GCKR: variants seen among roughly 807,000 people sequenced by gnomAD.
GCKR encodes the protein glucokinase regulator.
A neutral mutation model predicts 82.9 loss-of-function variants in GCKR; 73 were observed. The observed-to-expected ratio is 0.88, with a 90% CI of 0.73 to 1.07. GCKR has a LOEUF of 1.07. GCKR is among the 50% of genes least tolerant of loss of function. GCKR has a pLI of 0.00. For synonymous variants in GCKR, 294 were observed against 291.8 expected, an observed-to-expected ratio of 1.01 and a Z score of -0.08; for missense variants, 784 against 782.1, an observed-to-expected ratio of 1.00 and a Z score of -0.03.
rs560156559 is a variant in GCKR at position 27,520,022 on chromosome 2, C to T, written c.1572+1085C>T. Among the ~76,000 whole-genome samples the T allele has an allele frequency of 4.0e-5, 6 of 151,522 alleles. No homozygotes were observed. In the East Asian group the frequency reaches 5.8e-4, roughly 15 times the overall value. On this transcript the variant is annotated intron_variant, in intron 17 of 18. Transcript: ENST00000264717. ...AGATTCGGCAAATAAAAATACAGGA[C>T]GCCCAGTTAAATTTGAATTTCAGAT... is the stretch of plus-strand genomic sequence containing the variant.
chr2:27,505,782 C>T lies in GCKR; in HGVS notation c.815C>T (p.Thr272Ile). 1 of 1,612,122 alleles carries T rather than the reference C, an allele frequency of 6.2e-7. No homozygotes were observed. The highest frequency in any genetic ancestry group is 1.1e-5 in the South Asian group (1 of 91,058). The change falls in exon 10 of 19, where the codon ACC (threonine) becomes ATC (isoleucine). Residue 272 changes from threonine (T) to isoleucine (I), a missense_variant. Thr to Ile is a moderately conservative substitution (Grantham distance 89). Transcript: ENST00000264717. ...AGTGCCACCAAGATTCTGCTGGAAA[C>T]CCTGTTATTAGCAGCCCATAAGACT... is the stretch of plus-strand genomic sequence containing the variant. ...GGSATKILLE[T>I]LLLAAHKTVD...
chr2:27,501,770 C>T (rs1415543297), intron 8 of GCKR: 3 of 471,268 alleles, frequency 6.4e-6, no homozygotes, highest in South Asian at 1.5e-5. Flanking sequence ...CAAATCACCT[C>T]CCTCTTATTC....
chr2:27,504,854 T>C lies in GCKR; in HGVS notation c.751-864T>C, dbSNP rs543785143. ...AGAAACACACTCTCTGGTCTGGGTG[T>C]AGTGGCTCACGCCTGTAATCCCAGC... On this transcript the variant is annotated intron_variant, in intron 9 of 18. Coordinates refer to ENST00000264717, the MANE Select transcript of GCKR (RefSeq NM_001486.4). Among the ~76,000 whole-genome samples the C allele has an allele frequency of 1.8e-3, 277 of 151,580 alleles. 2 individuals are homozygous for C. Among genetic ancestry groups the C allele is most frequent in the Non-Finnish European group, 3.4e-3 (228 of 67,872 alleles).
chr2:27,506,459 G>T lies in GCKR; in HGVS notation c.870-22G>T, dbSNP rs552946102. 12 of 1,550,992 alleles carry T rather than the reference G, an allele frequency of 7.7e-6. No individual in the cohort carries two copies. The South Asian group carries it at 1.3e-4, about 17-fold the overall frequency. On this transcript the variant is annotated intron_variant, in intron 10 of 18. Transcript: ENST00000264717. ...TGAGGGGGAATTGGGCCCTTCTTGA[G>T]AGCTGGTGGCTTTTCTCCCAGATGC...
At chr2:27,508,105 G>T in intron 15 of GCKR, 31 bp downstream of exon 15, 7 of 1,590,068 alleles carry the variant, frequency 4.4e-6, no homozygotes, top group African/African-American at 2.7e-5. Flanking sequence ...AAGGGACCCA[G>T]GTGGCAGTTG....
chr2:27,499,452 T>C lies in GCKR; in HGVS notation c.549+2T>C, dbSNP rs1669518441. ...ATTGGCATTTCTGTGGGACTCTCTG[T>C]GAGTAAAAAGATGGGTTGAGTGGAT... On this transcript the variant is annotated splice_donor_variant, in intron 7 of 18. Transcript: ENST00000264717. LOFTEE classifies it high-confidence loss of function. 3 of 1,603,170 alleles carry C rather than the reference T, an allele frequency of 1.9e-6. No individual in the cohort carries two copies. Among genetic ancestry groups the C allele is most frequent in the Non-Finnish European group, 2.6e-6 (3 of 1,170,162 alleles).
chr2:27,499,350 C>T, intron 6 of GCKR, 47 bp from the exon 7 acceptor site: 1 of 1,488,920 alleles, frequency 6.7e-7, no homozygotes, highest in South Asian at 1.1e-5. Context: ...AGATTTGTGC[C>T]CTGGAATCCT....
chr2:27,511,478 C>T (rs1331542441), intron 16 of GCKR, among the ~76,000 whole-genome samples: 1 of 151,494 alleles, frequency 6.6e-6, no homozygotes, highest in Admixed American at 6.6e-5. Flanking sequence ...GGGCAGGTCA[C>T]CTGAGGTCAA....
Position 27,506,534 on chromosome 2 carries a change from G to T in GCKR, c.923G>T (p.Ser308Ile). 6.2e-7 allele frequency: 1 copy of T among 1,613,992 alleles called. No homozygotes were observed. The highest frequency in any genetic ancestry group is 8.5e-7 in the Non-Finnish European group (1 of 1,179,876). The change falls in exon 11 of 19, where the codon AGC (serine) becomes ATC (isoleucine). Residue 308 changes from serine to isoleucine, a missense_variant. By Grantham distance (142) the Ser-to-Ile change is moderately radical. Transcript: ENST00000264717. ...GAGCGAGCTCATCAGGTGACCTACA[G>T]CCAAAGCCCCAAGATTGCCACCCTG... The part of the protein sequence containing the change: ...TFERAHQVTY[S>I]QSPKIATLMK...
At chr2:27,498,107 C>T (rs1444024514) in intron 3 of GCKR, 148 bp from the exon 4 acceptor site, 1 of 660,320 alleles carries the variant, frequency 1.5e-6, no homozygotes, top group East Asian at 2.7e-5. Flanking sequence ...CTTTTTGCTA[C>T]ACTACATTGC....
At chr2:27,512,392 G>A (rs532566799) in intron 16 of GCKR, among the ~76,000 whole-genome samples, 10 of 150,948 alleles carry the variant, frequency 6.6e-5, no homozygotes, top group South Asian at 2.1e-4. Context: ...AAAATTAGCC[G>A]GGCATGGTGG....
At chr2:27,501,878 C>CA (rs1669590730) in intron 8 of GCKR, 1 of 387,988 alleles carries the variant, frequency 2.6e-6, no homozygotes, top group African/African-American at 2.2e-5. Flanking sequence ...GGGAATGTTA[C>CA]AAAAAAATAA....
At position 27,518,877 on chromosome 2, in the gene GCKR, CAT is replaced by C. The variant is rs756799078; in HGVS notation, c.1513_1514del (p.Met505ValfsTer6). 150 of 1,613,268 alleles carry C rather than the reference CAT, an allele frequency of 9.3e-5. 1 individual carries two copies. The highest frequency in any genetic ancestry group is 2.7e-4 in the Admixed American group (16 of 60,006). ...VLLGKILQNH[M>X]LDLRISNSKL... is the part of the protein sequence containing the mutation. ...TTCTTGGTAAGATCCTACAAAACCACATGTTGGACCTTCGGATTAGCAACTCC... is the reference window on the plus strand; with the variant it reads ...TTCTTGGTAAGATCCTACAAAACCACGTTGGACCTTCGGATTAGCAACTCC... On this transcript the variant is annotated frameshift_variant, in exon 17 of 19. Transcript: ENST00000264717. LOFTEE classifies it high-confidence loss of function.
At position 27,497,350 on chromosome 2, in the gene GCKR, G is replaced by A. The variant is rs1167490671; in HGVS notation, c.167G>A (p.Cys56Tyr). Residue 56 changes from cysteine to tyrosine, a missense_variant, in exon 2 of 19, where the codon TGT becomes TAT. Transcript: ENST00000264717. ...AACATTGTTCGACTGCTAGGGCAATGTGATGCTGAGATCTTCCAGGAGGAG... is the reference window on the plus strand; with the variant it reads ...AACATTGTTCGACTGCTAGGGCAATATGATGCTGAGATCTTCCAGGAGGAG... ...AENIVRLLGQ[C>Y]DAEIFQEEGQ... The A allele has an allele frequency of 6.2e-7, 1 of 1,614,230 alleles. No individual in the cohort carries two copies. The highest frequency in any genetic ancestry group is 2.2e-5 in the East Asian group (1 of 44,892).
chr2:27,522,715 A>G lies in GCKR; in HGVS notation c.1707+121A>G, dbSNP rs1670181021. On this transcript the variant is annotated intron_variant, in intron 18 of 18. Transcript: ENST00000264717. ...GCACTCTGCTCACAAGGACCTCCAC[A>G]TTCATGGGGTCTTTGGACTGGGTTT... 8.5e-6 allele frequency: 7 copies of G among 826,190 alleles called. No individual in the cohort carries two copies. The East Asian group carries it at 9.7e-5, about 11-fold the overall frequency. The allele number at this position is 826,190 out of a possible 1,614,324, so 51.2% of individuals were successfully genotyped here.
intron 13 of GCKR, 129 bp downstream of exon 13, chr2:27,507,440 AGAAGTCAT>A: frequency 1.3e-6 from 1 of 767,528 alleles, no homozygotes; most frequent in South Asian, 1.4e-5. Flanking sequence ...AATATGGGTC[AGAAGTCAT>A]GAGGCTTTGG....
intron 8 of GCKR, among the ~76,000 whole-genome samples, 178 bp from the exon 9 acceptor site, chr2:27,503,336 C>T (rs1374032070): frequency 6.6e-6 from 1 of 152,084 alleles, no homozygotes; most frequent in African/African-American, 2.4e-5. Context: ...TTTTATTAAC[C>T]CCTGTCCTTG....
chr2:27,501,330 C>T (rs1669571031), intron 8 of GCKR, 101 bp downstream of exon 8: 1 of 813,190 alleles, frequency 1.2e-6, no homozygotes, highest in Non-Finnish European at 2.2e-6. Flanking sequence ...TAGTCTTGTT[C>T]ACCAAATCTC....
At position 27,497,160 on chromosome 2, in the gene GCKR, C is replaced by T. The variant is rs1389622939; in HGVS notation, c.61-84C>T. On this transcript the variant is annotated intron_variant, in intron 1 of 18. Transcript: ENST00000264717. ...CGTGTGTGTAAGTCCAAACTCTGTGCCTGCTGCCACTCCCACCTCCAGCTC... is the reference window on the plus strand; with the variant it reads ...CGTGTGTGTAAGTCCAAACTCTGTGTCTGCTGCCACTCCCACCTCCAGCTC... 2.0e-6 allele frequency: 3 copies of T among 1,517,868 alleles called. No individual in the cohort carries two copies. In the Admixed American group the frequency reaches 5.0e-5, roughly 25 times the overall value. The allele number at this position is 1,517,868 out of a possible 1,614,324, so 94.0% of individuals were successfully genotyped here. A position where few individuals can be genotyped will look rare whatever the true frequency, so the allele number is the denominator to read the frequency against.
Sources: gnomAD v4.1 joint callset for allele counts (sites outside exome capture counted in the v4.1 genomes callset) on GRCh38, gnomAD v4.1.1 for gene constraint, MANE v1.5 for transcripts, NCBI Gene and HGNC (gene_info 2026-07-23, HGNC 2026-07-21) for gene names.